The following KIF6 variants were observed in gnomAD, a reference collection of about 807,000 sequenced individuals.
The protein encoded by KIF6 is kinesin family member 6.
KIF6 carries 106 observed loss-of-function variants against 112.7 expected under a neutral mutation model. The ratio of observed to expected loss-of-function variants is 0.94; its 90% confidence interval spans 0.80 to 1.11. The LOEUF (loss-of-function observed/expected upper bound fraction) is 1.11, where lower values mean the gene tolerates loss of function less well. KIF6 is among the 50% of genes least tolerant of loss of function. The probability of loss-of-function intolerance (pLI) is 0.00; values close to 1 mark genes in which losing one functional copy is unlikely to be tolerated. For synonymous variants in KIF6, 339 were observed against 339.9 expected (o/e 1.00, Z 0.03); for missense variants, 929 against 964.0 (o/e 0.96, Z 0.48).
intron 7 of KIF6, among the ~76,000 whole-genome samples, chr6:39,587,574 T>A (rs922777733): frequency 1.3e-5 from 2 of 152,134 alleles, no homozygotes; most frequent in Admixed American, 1.3e-4. Context: ...TTTTCTCCTT[T>A]TTCTTCAAAC....
intron 17 of KIF6, among the ~76,000 whole-genome samples, chr6:39,361,658 G>T (rs1765153159): frequency 6.6e-6 from 1 of 152,122 alleles, no homozygotes; most frequent in Admixed American, 6.6e-5. Context: ...GGCCCCAAGG[G>T]AGTGGAGAGC....
chr6:39,678,800 A>G (rs1230446363), intron 3 of KIF6, among the ~76,000 whole-genome samples: 1 of 152,262 alleles, frequency 6.6e-6, no homozygotes, highest in Admixed American at 6.5e-5. Context: ...GCTTGATTTT[A>G]AAAGAATTAA....
At chr6:39,362,349 T>C in intron 17 of KIF6, 85 bp downstream of exon 17, 1 of 993,936 alleles carries the variant, frequency 1.0e-6, no homozygotes, top group Non-Finnish European at 1.6e-6. Flanking sequence ...CATCCCTGAG[T>C]AGCTGCAGCC....
Position 39,360,478 on chromosome 6 carries a change from A to G in KIF6, c.1999T>C (p.Leu667=). 1 of 1,613,908 alleles carries G rather than the reference A, an allele frequency of 6.2e-7. No homozygotes were observed. The highest frequency in any genetic ancestry group is 8.5e-7 in the Non-Finnish European group (1 of 1,179,926). Residue 667 remains leucine (L), a synonymous_variant, in exon 18 of 23, where the codon TTG becomes CTG. Coordinates refer to ENST00000287152, the MANE Select transcript of KIF6 (RefSeq NM_145027.6). ...TTGGCTTTGTCCATGAGCAGCTGCAAGTGCTCGATCTCCACCTTCAGGGCT... is the reference window on the plus strand; with the variant it reads ...TTGGCTTTGTCCATGAGCAGCTGCAGGTGCTCGATCTCCACCTTCAGGGCT... The part of the protein sequence containing the change: ...LKALKVEIEH[L]QLLMDKAKVK...
chr6:39,436,227 G>A (rs895400274), intron 13 of KIF6, among the ~76,000 whole-genome samples: 14 of 151,216 alleles, frequency 9.3e-5, no homozygotes, highest in South Asian at 2.1e-4. Flanking sequence ...TTTTTCTTGC[G>A]GATTGGCTTG....
chr6:39,435,540 C>G (rs1771462383), intron 13 of KIF6, among the ~76,000 whole-genome samples: 1 of 151,824 alleles, frequency 6.6e-6, no homozygotes, highest in African/African-American at 2.4e-5. Flanking sequence ...AAACCTCCCC[C>G]ATTTGAGCTC....
chr6:39,589,200 AT>A (rs1472703040), intron 7 of KIF6, among the ~76,000 whole-genome samples: 1 of 152,168 alleles, frequency 6.6e-6, no homozygotes, highest in Non-Finnish European at 1.5e-5. Flanking sequence ...TCCATACAGC[AT>A]ACAGCTTTCT....
chr6:39,557,957 C>A (rs1176835890), intron 10 of KIF6, among the ~76,000 whole-genome samples: 2 of 149,148 alleles, frequency 1.3e-5, no homozygotes, highest in African/African-American at 2.5e-5. Flanking sequence ...TTTTTTTTGC[C>A]CGTTATCACT....
chr6:39,465,068 A>G lies in KIF6; in HGVS notation c.1646-33907T>C, dbSNP rs146745153. On this transcript the variant is annotated intron_variant, in intron 13 of 22. Coordinates refer to ENST00000287152, the MANE Select transcript of KIF6 (RefSeq NM_145027.6). ...TAGTAGCCCACTTTTCCAAATATTT[A>G]TGGCACCACCAGATGTCCGTGCGTT... 5.1e-3 allele frequency among the ~76,000 whole-genome samples: 778 copies of G among 152,282 alleles called. 5 individuals carry two copies. Among genetic ancestry groups the G allele is most frequent in the African/African-American group, 0.017 (722 of 41,542 alleles).
intron 13 of KIF6, among the ~76,000 whole-genome samples, chr6:39,488,240 A>G (rs138396016): frequency 7.4e-4 from 113 of 152,366 alleles, no homozygotes; most frequent in African/African-American, 2.5e-3. Flanking sequence ...GCTTAAAATC[A>G]GCCAACCCTG....
At chr6:39,596,795 A>G (rs1430414597) in intron 6 of KIF6, among the ~76,000 whole-genome samples, 1 of 152,202 alleles carries the variant, frequency 6.6e-6, no homozygotes, top group Non-Finnish European at 1.5e-5. Flanking sequence ...AAATGTCACT[A>G]TGTACAAAAA....
chr6:39,399,460 C>T (rs1321066071), intron 15 of KIF6, among the ~76,000 whole-genome samples: 2 of 152,272 alleles, frequency 1.3e-5, no homozygotes, highest in African/African-American at 2.4e-5. Flanking sequence ...GCCAATGGCA[C>T]CCCCATTGAG....
intron 9 of KIF6, among the ~76,000 whole-genome samples, chr6:39,582,669 C>G (rs1007375416): frequency 1.3e-5 from 2 of 152,184 alleles, no homozygotes; most frequent in Non-Finnish European, 2.9e-5. Flanking sequence ...TCCGCCTCAG[C>G]CTCCCAAAGT....
At chr6:39,497,529 A>G (rs1775857265) in intron 13 of KIF6, among the ~76,000 whole-genome samples, 1 of 152,186 alleles carries the variant, frequency 6.6e-6, no homozygotes, top group African/African-American at 2.4e-5. Flanking sequence ...CCAATCAATC[A>G]ACTGTAGCAC....
chr6:39,601,709 GGGACACAC>G (rs1195298666), intron 6 of KIF6, among the ~76,000 whole-genome samples: 26 of 60,636 alleles, frequency 4.3e-4, no homozygotes, highest in Non-Finnish European at 5.6e-4. Flanking sequence ...GAATTTCTTT[GGGACACAC>G]ACACACACAC....
intron 13 of KIF6, among the ~76,000 whole-genome samples, chr6:39,533,000 T>C (rs1778159650): frequency 6.6e-6 from 1 of 152,116 alleles, no homozygotes; most frequent in Non-Finnish European, 1.5e-5. Context: ...CTGACACACC[T>C]TTCAAAAGCT....
At chr6:39,480,258 T>C (rs1285808080) in intron 13 of KIF6, among the ~76,000 whole-genome samples, 1 of 152,198 alleles carries the variant, frequency 6.6e-6, no homozygotes, top group African/African-American at 2.4e-5. Flanking sequence ...GTTTTAATCA[T>C]AAAGTGATGC....
intron 3 of KIF6, among the ~76,000 whole-genome samples, chr6:39,643,097 A>G (rs930677421): frequency 6.6e-6 from 1 of 152,178 alleles, no homozygotes; most frequent in African/African-American, 2.4e-5. Context: ...TGAGAATAAT[A>G]TTGCCAGACA....
chr6:39,362,450 C>A lies in KIF6; in HGVS notation c.1930G>T (p.Glu644Ter). 1 of 1,613,914 alleles carries A rather than the reference C, an allele frequency of 6.2e-7. No homozygotes were observed. Among genetic ancestry groups the A allele is most frequent in the South Asian group, 1.1e-5 (1 of 91,068 alleles). The change falls in exon 17 of 23, where the codon GAG becomes TAG. Residue 644 changes from glutamate to a stop codon, truncating the protein, a stop_gained. Coordinates refer to ENST00000287152, the MANE Select transcript of KIF6 (RefSeq NM_145027.6). LOFTEE classifies it high-confidence loss of function. ...QQEEKLRSQL[E>*]EEKRRYKTMF... ...GAAGGGCACCTTCTCTTTTCTTCCT[C>A]CAGTTGTGATCGCAGCTTCTCCTCC...
Sources: allele counts gnomAD v4.1 joint callset (sites outside exome capture counted in the v4.1 genomes callset), GRCh38; gene constraint gnomAD v4.1.1; transcripts MANE v1.5; gene names NCBI Gene and HGNC (gene_info 2026-07-23, HGNC 2026-07-21).